The following SLC35F1 variants were observed in gnomAD, a reference collection of about 807,000 sequenced individuals.
The protein encoded by SLC35F1 is solute carrier family 35 member F1.
SLC35F1 carries 14 observed loss-of-function variants against 48.7 expected under a neutral mutation model. The ratio of observed to expected loss-of-function variants is 0.29; its 90% confidence interval spans 0.19 to 0.45. SLC35F1 has a LOEUF of 0.45. Among genes scored for constraint, SLC35F1 ranks in the 20% least tolerant of loss-of-function variants. The pLI, the probability that SLC35F1 is intolerant of heterozygous loss-of-function variation, is 1.00. For missense variants in SLC35F1, 404 were observed against 500.0 expected (o/e 0.81, Z 1.83); for synonymous variants, 190 against 202.2 (o/e 0.94, Z 0.51).
intron 1 of SLC35F1, among the ~76,000 whole-genome samples, chr6:118,145,105 C>T (rs540669955): frequency 2.0e-5 from 3 of 152,296 alleles, no homozygotes; most frequent in Admixed American, 6.5e-5. Flanking sequence ...AAAAGAAATT[C>T]GTACCCATTC....
chr6:118,206,728 A>G lies in SLC35F1; in HGVS notation c.350-28781A>G, dbSNP rs1158239804. On this transcript the variant is annotated intron_variant, in intron 2 of 7. Coordinates refer to ENST00000360388, the MANE Select transcript of SLC35F1 (RefSeq NM_001029858.4). ...GTGGGACATTGCCACCTTTTGTATCACAGAGGCCATCTTGTTACCAAACCA... is the reference window on the plus strand; with the variant it reads ...GTGGGACATTGCCACCTTTTGTATCGCAGAGGCCATCTTGTTACCAAACCA... 4.6e-5 allele frequency among the ~76,000 whole-genome samples: 7 copies of G among 152,296 alleles called. No individual in the cohort carries two copies. In the South Asian group the frequency reaches 8.3e-4, roughly 18 times the overall value.
At chr6:118,231,863 C>A (rs115278427) in intron 2 of SLC35F1, among the ~76,000 whole-genome samples, 5 of 152,254 alleles carry the variant, frequency 3.3e-5, no homozygotes, top group Admixed American at 6.5e-5. Context: ...GGGTCTGTGA[C>A]TTTAGAATTG....
At chr6:118,071,119 A>ACATAG in intron 1 of SLC35F1, among the ~76,000 whole-genome samples, 1 of 35,816 alleles carries the variant, frequency 2.8e-5, no homozygotes, top group African/African-American at 6.5e-5. Context: ...ATATATATAC[A>ACATAG]TATATACATA....
At chr6:118,265,621 G>A (rs1372145196) in intron 3 of SLC35F1, among the ~76,000 whole-genome samples, 1 of 152,214 alleles carries the variant, frequency 6.6e-6, no homozygotes, top group Non-Finnish European at 1.5e-5. Flanking sequence ...GTTCCATGTA[G>A]CAGAGGATGT....
intron 1 of SLC35F1, among the ~76,000 whole-genome samples, chr6:118,066,230 A>G (rs1258803723): frequency 6.6e-6 from 1 of 152,200 alleles, no homozygotes; most frequent in African/African-American, 2.4e-5. Context: ...CTGCCATGCA[A>G]TTCAGTTGAA....
chr6:117,990,234 T>C (rs1776899876), intron 1 of SLC35F1, among the ~76,000 whole-genome samples: 1 of 152,206 alleles, frequency 6.6e-6, no homozygotes, highest in Non-Finnish European at 1.5e-5. Context: ...TTCTGAATCC[T>C]GAGCTTTAGA....
At chr6:118,066,618 A>C (rs539885464) in intron 1 of SLC35F1, among the ~76,000 whole-genome samples, 10 of 152,268 alleles carry the variant, frequency 6.6e-5, no homozygotes, top group Non-Finnish European at 7.4e-5. Flanking sequence ...TGAGATAATA[A>C]ATGTGTGTTG....
chr6:118,115,005 G>T (rs2484149), intron 1 of SLC35F1, among the ~76,000 whole-genome samples: 5,062 of 152,244 alleles, frequency 0.033, 210 homozygotes, highest in African/African-American at 0.088. Flanking sequence ...CTAGGATTAT[G>T]TGTTTGTGCA....
intron 1 of SLC35F1, among the ~76,000 whole-genome samples, chr6:117,976,914 G>C (rs1047435017): frequency 2.6e-5 from 4 of 152,066 alleles, no homozygotes. Context: ...ATATAGTTTT[G>C]TGTGCTACTT....
At chr6:118,055,803 T>G (rs892043143) in intron 1 of SLC35F1, among the ~76,000 whole-genome samples, 5 of 152,232 alleles carry the variant, frequency 3.3e-5, no homozygotes, top group African/African-American at 1.2e-4. Flanking sequence ...CTCACATGCG[T>G]AAGCTGCTAC....
At chr6:118,136,394 G>A (rs182568294) in intron 1 of SLC35F1, among the ~76,000 whole-genome samples, 1 of 152,190 alleles carries the variant, frequency 6.6e-6, no homozygotes, top group East Asian at 1.9e-4. Context: ...ATACCTTCAG[G>A]TCTTTTCATT....
intron 3 of SLC35F1, among the ~76,000 whole-genome samples, chr6:118,239,818 G>A (rs986781863): frequency 6.6e-6 from 1 of 152,124 alleles, no homozygotes; most frequent in African/African-American, 2.4e-5. Context: ...ACTGAGCAAG[G>A]AACAGGGAAG....
intron 6 of SLC35F1, among the ~76,000 whole-genome samples, chr6:118,281,062 A>C (rs1012302016): frequency 1.4e-4 from 21 of 151,824 alleles, no homozygotes; most frequent in Admixed American, 8.5e-4. Context: ...ATAATATTTT[A>C]AAACTCTGGT....
At position 118,165,176 on chromosome 6, in the gene SLC35F1, C is replaced by A. The variant is rs148743504; in HGVS notation, c.349+10556C>A. On this transcript the variant is annotated intron_variant, in intron 2 of 7. Transcript: ENST00000360388. ...GAAGTGGAGAAAACAATTTCCTAGG[C>A]CAGTGCTTGTTCTAGAGTTTTCATC... is the stretch of plus-strand genomic sequence containing the variant. 1.2e-3 allele frequency among the ~76,000 whole-genome samples: 187 copies of A among 152,246 alleles called. 1 individual carries two copies. Among genetic ancestry groups the A allele is most frequent in the African/African-American group, 4.3e-3 (177 of 41,540 alleles).
At chr6:118,312,559 G>A (rs1004543682) in intron 7 of SLC35F1, among the ~76,000 whole-genome samples, 7 of 152,144 alleles carry the variant, frequency 4.6e-5, no homozygotes, top group African/African-American at 1.7e-4. Context: ...GTTATCATAT[G>A]GTTTCAATGT....
At chr6:118,199,156 G>T (rs908309622) in intron 2 of SLC35F1, among the ~76,000 whole-genome samples, 2 of 152,168 alleles carry the variant, frequency 1.3e-5, no homozygotes, top group Non-Finnish European at 2.9e-5. Context: ...TCCTGTTCTA[G>T]GAAGGATGAG....
chr6:117,912,715 TTAAC>T (rs1775778199), intron 1 of SLC35F1, among the ~76,000 whole-genome samples: 1 of 152,208 alleles, frequency 6.6e-6, no homozygotes. Flanking sequence ...GCATTTGTTT[TTAAC>T]TAAAAGGACA....
intron 7 of SLC35F1, among the ~76,000 whole-genome samples, chr6:118,289,454 A>G (rs944488592): frequency 1.3e-5 from 2 of 152,208 alleles, no homozygotes; most frequent in Non-Finnish European, 1.5e-5. Flanking sequence ...GTCTTTTATT[A>G]CAAAGCAATA....
intron 2 of SLC35F1, among the ~76,000 whole-genome samples, chr6:118,184,272 C>A (rs1023478890): frequency 6.6e-6 from 1 of 152,276 alleles, no homozygotes; most frequent in South Asian, 2.1e-4. Flanking sequence ...AAGAGCAAGA[C>A]TCTCAAAAGT....
Sources: allele counts gnomAD v4.1 joint callset (sites outside exome capture counted in the v4.1 genomes callset), GRCh38; gene constraint gnomAD v4.1.1; transcripts MANE v1.5; gene names NCBI Gene and HGNC (gene_info 2026-07-23, HGNC 2026-07-21).